ATP6V1C1: variants seen among roughly 807,000 people sequenced by gnomAD.
The protein encoded by ATP6V1C1 is V-type proton ATPase subunit C 1.
Under a neutral mutation model 53.9 loss-of-function variants are expected in ATP6V1C1, and 45 were observed. The ratio of observed to expected loss-of-function variants is 0.83; its 90% CI spans 0.66 to 1.07. The LOEUF (loss-of-function observed/expected upper bound fraction) is 1.07. Among genes scored for constraint, ATP6V1C1 ranks in the 50% least tolerant of loss-of-function variants. ATP6V1C1 has a pLI of 0.00. For synonymous variants in ATP6V1C1, 153 were observed against 155.2 expected, an observed-to-expected ratio of 0.99 and a Z score of 0.11; for missense variants, 315 against 440.3, an observed-to-expected ratio of 0.72 and a Z score of 2.55.
chr8:103,050,851 T>A (rs1237864936), intron 4 of ATP6V1C1, among the ~76,000 whole-genome samples, 199 bp from the exon 5 acceptor site: 14 of 152,184 alleles, frequency 9.2e-5, no homozygotes, highest in Admixed American at 7.2e-4. Flanking sequence ...AAAGTTTGAG[T>A]AAGGAGAAGA....
chr8:103,026,767 C>T (rs555001832), intron 1 of ATP6V1C1, among the ~76,000 whole-genome samples: 3 of 152,238 alleles, frequency 2.0e-5, no homozygotes, highest in African/African-American at 4.8e-5. Context: ...GAGCCGAGAT[C>T]GCGCCAGTGC....
intron 12 of ATP6V1C1, among the ~76,000 whole-genome samples, chr8:103,066,964 T>G (rs928535659): frequency 6.7e-6 from 1 of 149,088 alleles, no homozygotes; most frequent in Non-Finnish European, 1.5e-5. Flanking sequence ...CATAGTAAGA[T>G]CCCATCTGAA....
Position 103,073,005 on chromosome 8 carries a change from C to T in ATP6V1C1, c.*4258C>T, listed in dbSNP as rs1817610243. ...CAAAACTGAAATTGCTTATTGTGTA[C>T]ACCGGGGCTTGTACTTGGGGAATTT... is the stretch of plus-strand genomic sequence containing the variant. On this transcript the variant is annotated 3_prime_UTR_variant, in exon 13 of 13. Transcript: ENST00000518738. The T allele has an allele frequency of 6.6e-6, 1 of 152,248 alleles. No homozygotes were observed. Among genetic ancestry groups the T allele is most frequent in the South Asian group, 2.1e-4 (1 of 4,838 alleles). The allele number at this position is 152,248 out of a possible 1,614,324, so 9.4% of individuals were successfully genotyped here. A position where few individuals can be genotyped will look rare whatever the true frequency, so the allele number is the denominator to read the frequency against.
rs141488476 is a variant in ATP6V1C1, at chr8:103,057,406, G to A, written c.641+1470G>A. 9.7e-3 allele frequency among the ~76,000 whole-genome samples: 1,479 copies of A among 152,324 alleles called. 19 individuals carry two copies. Among genetic ancestry groups the A allele is most frequent in the African/African-American group, 0.034 (1,414 of 41,568 alleles). ...AAGTTACAAAGTTATACTTCTATGC[G>A]AATGAAGACTCGGCCTCCCAATCAG... On this transcript the variant is annotated intron_variant, in intron 8 of 12. Transcript: ENST00000518738.
chr8:103,059,835 A>T (rs1324485006), intron 8 of ATP6V1C1, among the ~76,000 whole-genome samples: 1 of 149,784 alleles, frequency 6.7e-6, no homozygotes, highest in East Asian at 2.0e-4. Context: ...CCCGTCTAAA[A>T]CCCTGCTTGT....
chr8:103,056,064 C>G, intron 8 of ATP6V1C1, 128 bp downstream of exon 8: 1 of 803,594 alleles, frequency 1.2e-6, no homozygotes, highest in South Asian at 1.7e-5. Context: ...GTTCTATGAA[C>G]TCTAGTTGTA....
At chr8:103,060,880 C>T (rs942652404) in intron 8 of ATP6V1C1, among the ~76,000 whole-genome samples, 7 of 152,100 alleles carry the variant, frequency 4.6e-5, no homozygotes, top group African/African-American at 1.7e-4. Context: ...TAATAGGTAA[C>T]CTGTTCATTG....
intron 5 of ATP6V1C1, among the ~76,000 whole-genome samples, chr8:103,052,084 T>A (rs1049923046): frequency 6.6e-6 from 1 of 152,092 alleles, no homozygotes; most frequent in African/African-American, 2.4e-5. Context: ...TTCTGTATCC[T>A]TAAGGATTTG....
At chr8:103,021,448 C>G (rs530408568) in intron 1 of ATP6V1C1, 1 of 152,344 alleles carries the variant, frequency 6.6e-6, no homozygotes, top group Admixed American at 6.5e-5. Context: ...AGAAAGAGCT[C>G]TCGTGGGTAG....
intron 3 of ATP6V1C1, among the ~76,000 whole-genome samples, chr8:103,043,812 T>C (rs529712195): frequency 9.4e-4 from 143 of 152,344 alleles, no homozygotes; most frequent in Middle Eastern, 3.4e-3. Context: ...AAGTTCTTTA[T>C]ACAGAATATG....
chr8:103,064,656 G>A (rs1410997345), intron 10 of ATP6V1C1, 58 bp from the exon 11 acceptor site: 8 of 1,384,758 alleles, frequency 5.8e-6, no homozygotes, highest in Non-Finnish European at 7.0e-6. Flanking sequence ...AAAATATTTG[G>A]TCTATCTAAT....
Position 103,053,990 on chromosome 8 carries a change from T to G in ATP6V1C1, c.572+8T>G. On this transcript the variant is annotated splice_region_variant and intron_variant, in intron 7 of 12. Transcript: ENST00000518738. ...ACTGGTAGTAGTTCCCAAGTAAGTC[T>G]TTCTATTATAAAAGGTTTTACTTGT... The G allele has an allele frequency of 6.3e-7, 1 of 1,593,664 alleles. No homozygotes were observed. The highest frequency in any genetic ancestry group is 1.3e-5 in the African/African-American group (1 of 74,324).
intron 8 of ATP6V1C1, among the ~76,000 whole-genome samples, chr8:103,059,123 C>T (rs1344067247): frequency 6.6e-6 from 1 of 152,084 alleles, no homozygotes; most frequent in African/African-American, 2.4e-5. Context: ...CTTTAGGGAT[C>T]TGGAGTCCCC....
At chr8:103,049,286 G>T (rs905838901) in intron 4 of ATP6V1C1, among the ~76,000 whole-genome samples, 2 of 152,154 alleles carry the variant, frequency 1.3e-5, no homozygotes, top group African/African-American at 4.8e-5. Flanking sequence ...TTTCCAAGTT[G>T]TATATCTCAG....
chr8:103,035,217 A>C (rs1003213877), intron 1 of ATP6V1C1, among the ~76,000 whole-genome samples: 10 of 152,146 alleles, frequency 6.6e-5, no homozygotes, highest in Non-Finnish European at 1.3e-4. Flanking sequence ...TTTAATTTTT[A>C]CTGTAAAATA....
At chr8:103,047,394 G>T (rs1192458306) in intron 3 of ATP6V1C1, among the ~76,000 whole-genome samples, 1 of 138,156 alleles carries the variant, frequency 7.2e-6, no homozygotes, top group Non-Finnish European at 1.5e-5. Context: ...GCAGTAGAGT[G>T]AGACTCTCTC....
In ATP6V1C1 at chr8:103,031,273, A is replaced by C. The variant is rs568170228; in HGVS notation, c.-39-9525A>C. Among the ~76,000 whole-genome samples, 4 of 152,352 alleles carry C rather than the reference A, an allele frequency of 2.6e-5. No homozygotes were observed. In the South Asian group the frequency reaches 8.3e-4, roughly 32 times the overall value. ...AGATACTCCAAAGAAAAGGTCAGCA[A>C]ACTACAAGATACAGCAAGAGACTGT... On this transcript the variant is annotated intron_variant, in intron 1 of 12. Transcript: ENST00000518738.
chr8:103,055,771 A>G, intron 7 of ATP6V1C1, 97 bp from the exon 8 acceptor site: 1 of 1,152,482 alleles, frequency 8.7e-7, no homozygotes, highest in Non-Finnish European at 1.3e-6. Context: ...TACTATAGCC[A>G]GATTTCCTAT....
chr8:103,022,163 A>G (rs1816608947), intron 1 of ATP6V1C1, among the ~76,000 whole-genome samples: 1 of 152,196 alleles, frequency 6.6e-6, no homozygotes, highest in South Asian at 2.1e-4. Context: ...AACTGGCACT[A>G]TGGGAAGATA....
Sources: gnomAD v4.1 joint callset for allele counts (sites outside exome capture counted in the v4.1 genomes callset) on GRCh38, gnomAD v4.1.1 for gene constraint, MANE v1.5 for transcripts, NCBI Gene and HGNC (gene_info 2026-07-23, HGNC 2026-07-21) for gene names.